Variants in GRHL2 observed in about 807,000 individuals in gnomAD.
GRHL2 encodes the protein grainyhead like transcription factor 2.
GRHL2 carries 21 observed loss-of-function variants against 83.8 expected under a neutral mutation model. The ratio of observed to expected loss-of-function variants is 0.25; its 90% CI spans 0.18 to 0.36. The LOEUF (loss-of-function observed/expected upper bound fraction) is 0.36, where lower values mean the gene tolerates loss of function less well. Ranked by LOEUF, GRHL2 falls within the 10% of genes least tolerant of loss-of-function variation. The pLI is 1.00. For synonymous variants in GRHL2, 280 were observed against 278.9 expected, an observed-to-expected ratio of 1.00 and a Z score of -0.04; for missense variants, 623 against 781.8, an observed-to-expected ratio of 0.80 and a Z score of 2.42.
intron 8 of GRHL2, among the ~76,000 whole-genome samples, chr8:101,613,793 T>C (rs1563608391): frequency 6.6e-6 from 1 of 151,134 alleles, no homozygotes; most frequent in Non-Finnish European, 1.5e-5. Context: ...TTATTTCTTA[T>C]GTATACCTTG....
intron 2 of GRHL2, among the ~76,000 whole-genome samples, chr8:101,550,948 T>C (rs1391298407): frequency 6.6e-6 from 1 of 152,212 alleles, no homozygotes; most frequent in Non-Finnish European, 1.5e-5. Flanking sequence ...TCATTCTCTG[T>C]TAAGGCAGCA....
intron 1 of GRHL2, among the ~76,000 whole-genome samples, chr8:101,528,109 C>A (rs531698787): frequency 2.0e-5 from 3 of 152,026 alleles, no homozygotes; most frequent in Non-Finnish European, 4.4e-5. Context: ...TTCTAGTCTT[C>A]TTTTGTGTAT....
At chr8:101,603,500 G>A (rs1189236649) in intron 8 of GRHL2, among the ~76,000 whole-genome samples, 2 of 152,100 alleles carry the variant, frequency 1.3e-5, no homozygotes, top group Non-Finnish European at 2.9e-5. Flanking sequence ...CAGAAAAAAA[G>A]GAAAGACATG....
At chr8:101,601,850 G>T (rs1812521146) in intron 8 of GRHL2, among the ~76,000 whole-genome samples, 1 of 152,162 alleles carries the variant, frequency 6.6e-6, no homozygotes, top group Non-Finnish European at 1.5e-5. Context: ...GTGTAGGTTT[G>T]TTGCATAGGT....
chr8:101,613,389 T>C (rs1812790967), intron 8 of GRHL2, among the ~76,000 whole-genome samples: 1 of 150,938 alleles, frequency 6.6e-6, no homozygotes. Context: ...AATCTAGGCA[T>C]TTCTTATGTC....
At chr8:101,536,872 G>A (rs1405061173) in intron 1 of GRHL2, among the ~76,000 whole-genome samples, 1 of 152,060 alleles carries the variant, frequency 6.6e-6, no homozygotes. Context: ...TCATCACCCA[G>A]GTACTAAGCC....
chr8:101,564,081 G>C lies in GRHL2; in HGVS notation c.678+5269G>C, dbSNP rs1434488501. Among the ~76,000 whole-genome samples the C allele has an allele frequency of 3.5e-4, 54 of 152,180 alleles. 2 individuals are homozygous for C. Among genetic ancestry groups the C allele is most frequent in the Admixed American group, 3.5e-3 (54 of 15,286 alleles). On this transcript the variant is annotated intron_variant, in intron 4 of 15. Transcript: ENST00000646743. ...ATTGTATTTTGGGCTTTATTTTGAA[G>C]TAGATGAGAAAGTAAAGAAACTTAC... is the stretch of plus-strand genomic sequence containing the variant.
In GRHL2 at chr8:101,543,430, C is replaced by T; in HGVS notation, c.210C>T (p.Tyr70=). Residue 70 remains tyrosine (Y), a synonymous_variant, in exon 2 of 16, where the codon TAC becomes TAT. Coordinates refer to ENST00000646743, the MANE Select transcript of GRHL2 (RefSeq NM_024915.4). ...CTGCCCTCGGCCTGCTCTATGACTA[C>T]TACAAGGTAGGTCCCCAGCCTCCAC... The part of the protein sequence containing the change: ...SAAALGLLYD[Y]YKVPRDKRLL... 1 of 1,613,956 alleles carries T rather than the reference C, an allele frequency of 6.2e-7. No individual in the cohort carries two copies. Among genetic ancestry groups the T allele is most frequent in the Non-Finnish European group, 8.5e-7 (1 of 1,179,848 alleles).
At chr8:101,549,978 C>A (rs576103462) in intron 2 of GRHL2, among the ~76,000 whole-genome samples, 5 of 151,764 alleles carry the variant, frequency 3.3e-5, no homozygotes, top group African/African-American at 9.7e-5. Flanking sequence ...GTGGGGTGGG[C>A]GAGTCATAAA....
chr8:101,647,780 A>G (rs1315649952), intron 13 of GRHL2, among the ~76,000 whole-genome samples: 1 of 151,534 alleles, frequency 6.6e-6, no homozygotes, highest in Non-Finnish European at 1.5e-5. Flanking sequence ...CTGAACATCC[A>G]CTGGCTGCAG....
At chr8:101,567,685 C>T (rs983927240) in intron 4 of GRHL2, among the ~76,000 whole-genome samples, 1 of 152,188 alleles carries the variant, frequency 6.6e-6, no homozygotes, top group African/African-American at 2.4e-5. Flanking sequence ...TTCTTGTCCT[C>T]ATGCATTCAT....
intron 8 of GRHL2, among the ~76,000 whole-genome samples, chr8:101,609,528 C>A (rs983411769): frequency 6.6e-6 from 1 of 151,066 alleles, no homozygotes; most frequent in Non-Finnish European, 1.5e-5. Flanking sequence ...TAAATTTATA[C>A]ACGCACATGT....
At chr8:101,620,314 C>A (rs1177348071) in intron 9 of GRHL2, among the ~76,000 whole-genome samples, 1 of 152,166 alleles carries the variant, frequency 6.6e-6, no homozygotes, top group African/African-American at 2.4e-5. Flanking sequence ...AAACTTTAGT[C>A]CGTAATACAT....
At chr8:101,546,462 T>G (rs1586081253) in intron 2 of GRHL2, among the ~76,000 whole-genome samples, 1 of 151,162 alleles carries the variant, frequency 6.6e-6, no homozygotes, top group South Asian at 2.1e-4. Flanking sequence ...CAGGCTGGAG[T>G]GCAGTGGCAT....
At chr8:101,517,903 A>C (rs760075088) in intron 1 of GRHL2, among the ~76,000 whole-genome samples, 2 of 152,162 alleles carry the variant, frequency 1.3e-5, no homozygotes, top group African/African-American at 4.8e-5. Flanking sequence ...ATTTTTGTGC[A>C]GCAGTGACAC....
intron 8 of GRHL2, among the ~76,000 whole-genome samples, chr8:101,606,772 C>T (rs1812642194): frequency 6.6e-6 from 1 of 152,194 alleles, no homozygotes; most frequent in African/African-American, 2.4e-5. Flanking sequence ...CTCACCTCCT[C>T]TCTCAGTGTT....
chr8:101,542,308 G>A (rs1441463069), intron 1 of GRHL2, among the ~76,000 whole-genome samples: 1 of 152,110 alleles, frequency 6.6e-6, no homozygotes, highest in Non-Finnish European at 1.5e-5. Flanking sequence ...AGGCGTGGTG[G>A]CACATGCCTG....
intron 1 of GRHL2, among the ~76,000 whole-genome samples, chr8:101,523,611 G>A (rs779687669): frequency 6.6e-6 from 1 of 151,762 alleles, no homozygotes; most frequent in Non-Finnish European, 1.5e-5. Flanking sequence ...AAGTAGCTGG[G>A]ACTACAAGCA....
At chr8:101,586,851 C>T (rs1339413766) in intron 7 of GRHL2, among the ~76,000 whole-genome samples, 1 of 152,118 alleles carries the variant, frequency 6.6e-6, no homozygotes, top group Non-Finnish European at 1.5e-5. Flanking sequence ...CTGAAAGAAT[C>T]ATTTCTGGTA....
Sources: gnomAD v4.1 joint callset for allele counts (sites outside exome capture counted in the v4.1 genomes callset) on GRCh38, gnomAD v4.1.1 for gene constraint, MANE v1.5 for transcripts, NCBI Gene and HGNC (gene_info 2026-07-23, HGNC 2026-07-21) for gene names.